Variants in ABCA13 observed in about 807,000 individuals in gnomAD.
The protein encoded by ABCA13 is ATP binding cassette subfamily A member 13.
ABCA13 carries 476 observed loss-of-function variants against 478.7 expected under a neutral mutation model. The observed-to-expected ratio is 0.99, with a 90% CI of 0.92 to 1.07. ABCA13 has a LOEUF of 1.07. ABCA13 is among the 50% of genes least tolerant of loss of function. The pLI is 0.00. For missense variants in ABCA13, 6,060 were observed against 5,910.6 expected (o/e 1.03, Z -0.83); for synonymous variants, 2,252 against 2,158.9 (o/e 1.04, Z -1.20).
At chr7:48,544,105 AT>A (rs1784599606) in intron 55 of ABCA13, among the ~76,000 whole-genome samples, 1 of 151,756 alleles carries the variant, frequency 6.6e-6, no homozygotes, top group Non-Finnish European at 1.5e-5. Context: ...AAAATGGAAG[AT>A]TAGCATAACT....
intron 59 of ABCA13, among the ~76,000 whole-genome samples, chr7:48,635,250 A>T (rs1794542944): frequency 6.6e-6 from 1 of 152,082 alleles, no homozygotes; most frequent in Non-Finnish European, 1.5e-5. Flanking sequence ...CTAAAAACTA[A>T]AACAACAAAA....
rs151166873 is a variant in ABCA13, at chr7:48,364,877, C to T, written c.10689-2917C>T. On this transcript the variant is annotated intron_variant, in intron 31 of 61. Coordinates refer to ENST00000435803, the MANE Select transcript of ABCA13 (RefSeq NM_152701.5). ...TAAGTCTGCAATAAACATGGGAGTG[C>T]ACATATCTCTTCGATATACTGATTT... 4.6e-3 allele frequency among the ~76,000 whole-genome samples: 697 copies of T among 152,240 alleles called. 8 individuals carry two copies. Among genetic ancestry groups the T allele is most frequent in the African/African-American group, 0.016 (650 of 41,562 alleles).
intron 31 of ABCA13, among the ~76,000 whole-genome samples, chr7:48,363,096 G>A (rs1811140156): frequency 6.6e-6 from 1 of 151,978 alleles, no homozygotes; most frequent in Admixed American, 6.6e-5. Context: ...CCCTTTCACT[G>A]TAATTTACCA....
rs759779157 is a variant in ABCA13, at chr7:48,506,304, T to C, written c.13292-32T>C. On this transcript the variant is annotated intron_variant, in intron 48 of 61. Transcript: ENST00000435803. The stretch of plus-strand genomic sequence containing the variant: ...TGCGATTCACCATGCAGGAGCAGGC[T>C]GAAGGCTCACTTTTCAATTTGTCTT... The C allele has an allele frequency of 3.7e-6, 6 of 1,611,164 alleles. No individual in the cohort carries two copies. In the African/African-American group the frequency reaches 6.7e-5, roughly 18 times the overall value.
At chr7:48,589,023 C>T (rs1789477454) in intron 57 of ABCA13, among the ~76,000 whole-genome samples, 1 of 152,152 alleles carries the variant, frequency 6.6e-6, no homozygotes, top group African/African-American at 2.4e-5. Context: ...GCTTCTCCCC[C>T]TACACTTACT....
At chr7:48,240,787 A>G (rs767126802) in intron 9 of ABCA13, 80 bp from the exon 10 acceptor site, 1 of 1,167,938 alleles carries the variant, frequency 8.6e-7, no homozygotes, top group Non-Finnish European at 1.1e-6. Context: ...CTAGAGTGGT[A>G]TGTTAATATT....
At chr7:48,375,327 C>T (rs1813297708) in intron 34 of ABCA13, among the ~76,000 whole-genome samples, 1 of 152,064 alleles carries the variant, frequency 6.6e-6, no homozygotes, top group African/African-American at 2.4e-5. Context: ...ATCCTCTACC[C>T]ATGTTTTCTA....
rs150639081 is a variant in ABCA13, at chr7:48,441,561, G to A, written c.12566-13476G>A. On this transcript the variant is annotated intron_variant, in intron 42 of 61. Transcript: ENST00000435803. Reference sequence around the variant, plus strand: ...TAATCATAGGGACCCTAGTAGCTCCGTAGAAATGAGTTATGAAGACCGATG... The same window carrying A: ...TAATCATAGGGACCCTAGTAGCTCCATAGAAATGAGTTATGAAGACCGATG... Among the ~76,000 whole-genome samples the A allele has an allele frequency of 5.8e-4, 89 of 152,250 alleles. 1 individual carries two copies. In the East Asian group the frequency reaches 0.016, roughly 27 times the overall value.
In ABCA13 at chr7:48,527,721, G is replaced by T. The variant is rs187663435; in HGVS notation, c.14245-515G>T. ...AGGAGTGAATTTGCAGGAATTTACA[G>T]GCTCTTCAATGGAAAAAGAAGATAT... On this transcript the variant is annotated intron_variant, in intron 54 of 61. Coordinates refer to ENST00000435803, the MANE Select transcript of ABCA13 (RefSeq NM_152701.5). 3.9e-5 allele frequency among the ~76,000 whole-genome samples: 6 copies of T among 152,186 alleles called. No homozygotes were observed. The East Asian group carries it at 1.2e-3, about 29-fold the overall frequency.
At chr7:48,585,909 AAGAATTAATCCAGCATAGGAGAT>A in intron 56 of ABCA13, among the ~76,000 whole-genome samples, 1 of 152,328 alleles carries the variant, frequency 6.6e-6, no homozygotes, top group South Asian at 2.1e-4. Flanking sequence ...GGACCCCAGG[AAGAATTAATCCAGCATAGGAGAT>A]AGAACTGGAA....
intron 8 of ABCA13, among the ~76,000 whole-genome samples, chr7:48,234,979 A>G (rs1172804994): frequency 1.3e-5 from 2 of 152,158 alleles, no homozygotes; most frequent in Non-Finnish European, 2.9e-5. Context: ...CTTCCCAGAT[A>G]GCACTTTTCA....
intron 43 of ABCA13, among the ~76,000 whole-genome samples, chr7:48,465,524 C>CTTTTTTT (rs71552482): frequency 1.5e-5 from 2 of 134,460 alleles, no homozygotes; most frequent in Non-Finnish European, 1.6e-5. Flanking sequence ...TTTCTTCTTT[C>CTTTTTTT]TTTTTTTTTT....
chr7:48,238,464 GTTC>G (rs1230170681), intron 8 of ABCA13, among the ~76,000 whole-genome samples: 1 of 140,018 alleles, frequency 7.1e-6, no homozygotes, highest in African/African-American at 2.6e-5. Context: ...CTCTGTTGAA[GTTC>G]TTTTTTTTTT....
intron 20 of ABCA13, among the ~76,000 whole-genome samples, chr7:48,288,905 C>T (rs1470912437): frequency 6.6e-6 from 1 of 152,148 alleles, no homozygotes; most frequent in Non-Finnish European, 1.5e-5. Flanking sequence ...AGGCCTGATC[C>T]CCCTGACAAG....
At chr7:48,361,851 G>T (rs1810902109) in intron 31 of ABCA13, among the ~76,000 whole-genome samples, 1 of 151,614 alleles carries the variant, frequency 6.6e-6, no homozygotes, top group Admixed American at 6.6e-5. Flanking sequence ...TTAAATATAT[G>T]AAAAACTATG....
intron 53 of ABCA13, among the ~76,000 whole-genome samples, 151 bp downstream of exon 53, chr7:48,520,445 CA>C (rs1832465208): frequency 6.6e-6 from 1 of 152,128 alleles, no homozygotes; most frequent in African/African-American, 2.4e-5. Flanking sequence ...ATTTTTTAAA[CA>C]TTGATTGGTG....
intron 1 of ABCA13, among the ~76,000 whole-genome samples, chr7:48,181,275 A>G (rs1185877231): frequency 6.6e-6 from 1 of 152,158 alleles, no homozygotes; most frequent in Non-Finnish European, 1.5e-5. Context: ...AATTCTTTCC[A>G]ATTGTGTCAT....
rs779263606 is a variant in ABCA13 at position 48,278,995 on chromosome 7, A to G, written c.7801A>G (p.Met2601Val). Residue 2601 changes from methionine (M) to valine (V), a missense_variant, in exon 18 of 62, where the codon ATG (methionine) becomes GTG (valine). By Grantham distance (21) the Met-to-Val change is conservative. This residue lies in a region of ABCA13 where 4,423 missense variants were observed against 4,309.1 expected (regional missense o/e 1.03). Transcript: ENST00000435803. Reference protein sequence around the residue: ...LVPFLDLAFEMIGVEPYISSN... With the variant: ...LVPFLDLAFEVIGVEPYISSN... ...GCCATTTCTTGACTTGGCCTTTGAA[A>G]TGATTGGGGTAGAACCTTATATATC... 5.0e-6 allele frequency: 8 copies of G among 1,613,316 alleles called. No homozygotes were observed. The highest frequency in any genetic ancestry group is 1.3e-5 in the African/African-American group (1 of 74,924).
At position 48,273,659 on chromosome 7, in the gene ABCA13, A is replaced by G. The variant is rs75846399; in HGVS notation, c.3993A>G (p.Ile1331Met). The G allele has an allele frequency of 9.1e-3, 14,697 of 1,607,314 alleles. 125 individuals carry two copies. The highest frequency in any genetic ancestry group is 0.056 in the Middle Eastern group (340 of 6,050). Residue 1331 changes from isoleucine to methionine, a missense_variant, in exon 17 of 62, where the codon ATA (isoleucine) becomes ATG (methionine). This residue lies in a region of ABCA13 where 4,423 missense variants were observed against 4,309.1 expected (regional missense o/e 1.03). Coordinates refer to ENST00000435803, the MANE Select transcript of ABCA13 (RefSeq NM_152701.5). Reference sequence around the variant, plus strand: ...TCATCACTGAGCTAAGAGAAGCAATAGTATTTCTTAGAAATGTATCACATG... The same window carrying G: ...TCATCACTGAGCTAAGAGAAGCAATGGTATTTCTTAGAAATGTATCACATG... ...ENIITELREAIVFLRNVSHDR... is the reference protein window; with the variant it reads ...ENIITELREAMVFLRNVSHDR...
Sources: allele counts gnomAD v4.1 joint callset (sites outside exome capture counted in the v4.1 genomes callset), GRCh38; gene constraint gnomAD v4.1.1; regional missense constraint gnomAD v4.1.1; transcripts MANE v1.5; gene names NCBI Gene and HGNC (gene_info 2026-07-23, HGNC 2026-07-21).